Variants in ZNF675 observed in about 807,000 individuals in gnomAD.
ZNF675 encodes TRAF6 inhibitory zinc finger.
ZNF675 carries 36 observed loss-of-function variants against 56.1 expected under a neutral mutation model. The observed-to-expected ratio is 0.64, with a 90% CI of 0.49 to 0.85. The LOEUF (loss-of-function observed/expected upper bound fraction) is 0.85, where lower values mean the gene tolerates loss of function less well. Among genes scored for constraint, ZNF675 ranks in the 40% least tolerant of loss-of-function variants. The pLI is 0.00. For missense variants in ZNF675, 663 were observed against 654.2 expected, an observed-to-expected ratio of 1.01 and a Z score of -0.15; for synonymous variants, 200 against 218.9, an observed-to-expected ratio of 0.91 and a Z score of 0.76.
chr19:23,679,273 A>G (rs1968344568), intron 1 of ZNF675, among the ~76,000 whole-genome samples: 1 of 151,910 alleles, frequency 6.6e-6, no homozygotes, highest in African/African-American at 2.4e-5. Context: ...CAAAACTGAC[A>G]AAGAGAAATA....
intron 1 of ZNF675, among the ~76,000 whole-genome samples, chr19:23,681,242 CG>C (rs1968372565): frequency 6.6e-6 from 1 of 151,488 alleles, no homozygotes; most frequent in Non-Finnish European, 1.5e-5. Flanking sequence ...TTGGGTTTTT[CG>C]CAAGAAGCAC....
intron 1 of ZNF675, among the ~76,000 whole-genome samples, chr19:23,667,493 T>G (rs1327022411): frequency 2.6e-5 from 4 of 152,168 alleles, no homozygotes; most frequent in Non-Finnish European, 5.9e-5. Flanking sequence ...TTACAATCCC[T>G]GAGCTAGACA....
At chr19:23,679,166 CAAAAAA>C (rs33936196) in intron 1 of ZNF675, among the ~76,000 whole-genome samples, 4 of 99,332 alleles carry the variant, frequency 4.0e-5, no homozygotes, top group Non-Finnish European at 7.4e-5. Flanking sequence ...GACTCCGTCT[CAAAAAA>C]AAAAAAAAAA....
chr19:23,655,029 TTCAA>T (rs1568287869), intron 3 of ZNF675: 1 of 176,692 alleles, frequency 5.7e-6, no homozygotes, highest in Non-Finnish European at 1.2e-5. Flanking sequence ...AGGTCAGGAG[TTCAA>T]GACCAGCCTG....
chr19:23,682,090 T>G (rs1034556166), intron 1 of ZNF675, among the ~76,000 whole-genome samples: 1 of 151,840 alleles, frequency 6.6e-6, no homozygotes, highest in Admixed American at 6.6e-5. Context: ...CTTAAAAAAA[T>G]CAGCTAAATT....
Position 23,654,539 on chromosome 19 carries a change from GTCCATTATAACC to G in ZNF675, c.382_393del (p.Gly128_Gly131del), listed in dbSNP as rs1477351888. ...TGCATAGTTGGTAAACATTGGTTAA[GTCCATTATAACC>G]TCCCTTGTGCAACTTACATTCATCC... is the stretch of plus-strand genomic sequence containing the variant. On this transcript the variant is annotated inframe_deletion, in exon 4 of 4. Transcript: ENST00000359788. 4.4e-6 allele frequency: 7 copies of G among 1,606,780 alleles called. No individual in the cohort carries two copies. The highest frequency in any genetic ancestry group is 5.1e-6 in the Non-Finnish European group (6 of 1,176,816).
Position 23,676,245 on chromosome 19 carries a change from C to T in ZNF675, c.3+10786G>A, listed in dbSNP as rs995316725. Among the ~76,000 whole-genome samples, 4 of 151,640 alleles carry T rather than the reference C, an allele frequency of 2.6e-5. 1 individual carries two copies. Among genetic ancestry groups the T allele is most frequent in the Admixed American group, 1.3e-4 (2 of 15,236 alleles). ...CAACCAAAAAAAGCCCAGGACCAGA[C>T]GGACTTACAGCTGAATTCTACCAGA... On this transcript the variant is annotated intron_variant, in intron 1 of 3. Transcript: ENST00000359788.
At position 23,654,671 on chromosome 19, in the gene ZNF675, CT is replaced by C. The variant is rs1233862536; in HGVS notation, c.261del (p.Glu88SerfsTer4). ...MCSHFAQEFWPEQNIKDSFEK... is the reference protein window; with the variant it reads ...MCSHFAQEFWXEQNIKDSFEK... Reference sequence around the variant, plus strand: ...TCAAAAGAATCTTTTATGTTCTGCTCTGGCCAAAACTCTTGGGCAAAATGAG... The same window carrying C: ...TCAAAAGAATCTTTTATGTTCTGCTCGGCCAAAACTCTTGGGCAAAATGAG... On this transcript the variant is annotated frameshift_variant, in exon 4 of 4. Coordinates refer to ENST00000359788, the MANE Select transcript of ZNF675 (RefSeq NM_138330.3). LOFTEE classifies it high-confidence loss of function. 2.6e-6 allele frequency: 4 copies of C among 1,558,864 alleles called. No individual in the cohort carries two copies. The highest frequency in any genetic ancestry group is 3.5e-6 in the Non-Finnish European group (4 of 1,155,376).
chr19:23,681,332 T>A (rs1968373879), intron 1 of ZNF675, among the ~76,000 whole-genome samples: 1 of 151,582 alleles, frequency 6.6e-6, no homozygotes, highest in African/African-American at 2.4e-5. Context: ...CAATGTCTAG[T>A]GGGTGTGTTT....
intron 1 of ZNF675, among the ~76,000 whole-genome samples, chr19:23,683,144 CATG>C (rs879462459): frequency 0.059 from 8,895 of 150,756 alleles, 716 homozygotes; most frequent in African/African-American, 0.14. Flanking sequence ...GAGCTGAGAT[CATG>C]GCACTGCACT....
intron 1 of ZNF675, among the ~76,000 whole-genome samples, chr19:23,671,534 C>T: frequency 6.6e-6 from 1 of 152,064 alleles, no homozygotes; most frequent in East Asian, 1.9e-4. Flanking sequence ...TGCAAAGGTA[C>T]CAGTCATTAC....
Position 23,654,654 on chromosome 19 carries a change from A to T in ZNF675, c.279T>A (p.Asp93Glu). 6.3e-7 allele frequency: 1 copy of T among 1,594,606 alleles called. No homozygotes were observed. Among genetic ancestry groups the T allele is most frequent in the Non-Finnish European group, 8.5e-7 (1 of 1,172,540 alleles). ...TTCTCAGTGTCACTTTTTCAAAAGA[A>T]TCTTTTATGTTCTGCTCTGGCCAAA... Reference protein sequence around the residue: ...QEFWPEQNIKDSFEKVTLRRY... With the variant: ...QEFWPEQNIKESFEKVTLRRY... The change falls in exon 4 of 4, where the codon GAT becomes GAA. Residue 93 changes from aspartate to glutamate, a missense_variant. Asp to Glu is a conservative substitution (Grantham distance 45, BLOSUM62 2). Around this residue, in one of 3 missense-constraint regions of ZNF675, gnomAD observed 617 missense variants for 590.5 expected, o/e 1.04. Transcript: ENST00000359788.
At chr19:23,667,374 C>A (rs1387213311) in intron 1 of ZNF675, among the ~76,000 whole-genome samples, 11 of 152,124 alleles carry the variant, frequency 7.2e-5, no homozygotes, top group Non-Finnish European at 1.6e-4. Context: ...CAGCGGGTTG[C>A]CACTGCTGGC....
intron 3 of ZNF675, among the ~76,000 whole-genome samples, chr19:23,660,932 CTTT>C (rs56888844): frequency 1.8e-4 from 22 of 119,758 alleles, no homozygotes; most frequent in East Asian, 2.4e-4. Context: ...TTGTAATTTT[CTTT>C]TTTTTTTTTT....
intron 1 of ZNF675, among the ~76,000 whole-genome samples, chr19:23,682,470 C>T (rs1402679476): frequency 6.6e-6 from 1 of 151,744 alleles, no homozygotes; most frequent in East Asian, 1.9e-4. Context: ...AACAATAATA[C>T]TTATCTTCAG....
rs1968412631 is a variant in ZNF675, at chr19:23,684,122, C to T, written c.3+2909G>A. ...TAAAAATACAAAAAAATTAGCTGGG[C>T]GTGGTGGCGGGCACCTGTAATCCCA... On this transcript the variant is annotated intron_variant, in intron 1 of 3. Transcript: ENST00000359788. Among the ~76,000 whole-genome samples, 3 of 151,702 alleles carry T rather than the reference C, an allele frequency of 2.0e-5. No homozygotes were observed. In the South Asian group the frequency reaches 6.3e-4, roughly 32 times the overall value.
intron 1 of ZNF675, among the ~76,000 whole-genome samples, chr19:23,664,494 G>A (rs1382031114): frequency 6.6e-6 from 1 of 152,150 alleles, no homozygotes; most frequent in Non-Finnish European, 1.5e-5. Flanking sequence ...AGCAATTTCT[G>A]CTACAGCAAT....
At chr19:23,683,404 G>C (rs1968401985) in intron 1 of ZNF675, among the ~76,000 whole-genome samples, 1 of 148,690 alleles carries the variant, frequency 6.7e-6, no homozygotes, top group Non-Finnish European at 1.5e-5. Context: ...ACATTTTCTT[G>C]TGGAAAGGTA....
At chr19:23,676,746 T>C (rs2144793111) in intron 1 of ZNF675, among the ~76,000 whole-genome samples, 1 of 151,842 alleles carries the variant, frequency 6.6e-6, no homozygotes, top group South Asian at 2.1e-4. Flanking sequence ...ACATACTGAA[T>C]AGATACAAGT....
Sources: allele counts gnomAD v4.1 joint callset (sites outside exome capture counted in the v4.1 genomes callset), GRCh38; gene constraint gnomAD v4.1.1; regional missense constraint gnomAD v4.1.1; transcripts MANE v1.5; gene names NCBI Gene and HGNC (gene_info 2026-07-23, HGNC 2026-07-21).